The following PSMA1 variants were observed in gnomAD, a reference collection of about 807,000 sequenced individuals.
PSMA1 encodes the protein proteasome 20S subunit alpha 1.
In PSMA1, 3 loss-of-function variants were observed where a neutral mutation model predicts 38.4. The ratio of observed to expected loss-of-function variants is 0.08; its 90% CI spans 0.04 to 0.20. The LOEUF (loss-of-function observed/expected upper bound fraction) is 0.20, where lower values mean the gene tolerates loss of function less well. Among genes scored for constraint, PSMA1 ranks in the 10% least tolerant of loss-of-function variants. PSMA1 has a pLI of 1.00. For synonymous variants in PSMA1, 101 were observed against 107.1 expected (o/e 0.94, Z 0.35); for missense variants, 227 against 325.3 (o/e 0.70, Z 2.32).
chr11:14,573,069 C>T (rs1181994412), intron 2 of PSMA1, among the ~76,000 whole-genome samples: 3 of 152,076 alleles, frequency 2.0e-5, no homozygotes, highest in African/African-American at 4.8e-5. Flanking sequence ...GATTCACAGC[C>T]GAATTCTACC....
chr11:14,505,262 GA>G lies in PSMA1; in HGVS notation c.736-15del. On this transcript the variant is annotated splice_polypyrimidine_tract_variant and intron_variant, in intron 9 of 9. Transcript: ENST00000396394. ...AGGTTGAGCAGGCTTAACAGGGAAA[GA>G]AAAAAAGAAAATATGTAAAATGAAC... 1.9e-6 allele frequency: 3 copies of G among 1,606,292 alleles called. No individual in the cohort carries two copies. Among genetic ancestry groups the G allele is most frequent in the Non-Finnish European group, 2.6e-6 (3 of 1,173,616 alleles).
intron 1 of PSMA1, among the ~76,000 whole-genome samples, chr11:14,634,141 T>C (rs1853080310): frequency 6.6e-6 from 1 of 152,232 alleles, no homozygotes; most frequent in South Asian, 2.1e-4. Flanking sequence ...GAGCTGTTCC[T>C]ATTCGGCCAT....
chr11:14,578,048 T>G (rs1316051028), intron 2 of PSMA1, among the ~76,000 whole-genome samples: 2 of 142,358 alleles, frequency 1.4e-5, no homozygotes, highest in Admixed American at 7.2e-5. Context: ...CACAGGGAGG[T>G]GAACATCACA....
chr11:14,601,052 A>T (rs1852575027), intron 2 of PSMA1, among the ~76,000 whole-genome samples: 1 of 152,242 alleles, frequency 6.6e-6, no homozygotes, highest in Non-Finnish European at 1.5e-5. Flanking sequence ...CCCAGTAAAT[A>T]GCATTATGTC....
At chr11:14,601,230 G>C (rs1335279735) in intron 2 of PSMA1, among the ~76,000 whole-genome samples, 7 of 152,174 alleles carry the variant, frequency 4.6e-5, no homozygotes, top group Non-Finnish European at 1.0e-4. Flanking sequence ...TAAACTGGGG[G>C]GAGTGGGACT....
intron 1 of PSMA1, among the ~76,000 whole-genome samples, chr11:14,628,482 C>G (rs1372905912): frequency 1.3e-5 from 2 of 150,914 alleles, no homozygotes; most frequent in Non-Finnish European, 2.9e-5. Context: ...CATGTCCCTA[C>G]AAAGGACATG....
intron 2 of PSMA1, among the ~76,000 whole-genome samples, chr11:14,564,205 C>T (rs181197276): frequency 3.9e-5 from 6 of 152,150 alleles, no homozygotes; most frequent in African/African-American, 1.4e-4. Context: ...CCTACCCCCC[C>T]ACCCCACCTA....
chr11:14,516,067 G>A (rs564729663), intron 4 of PSMA1, among the ~76,000 whole-genome samples: 17 of 151,868 alleles, frequency 1.1e-4, no homozygotes, highest in South Asian at 8.3e-4. Context: ...AAAATTAGCC[G>A]GGTGTGGTGG....
chr11:14,512,688 T>C (rs1851364329), intron 7 of PSMA1, among the ~76,000 whole-genome samples: 1 of 152,204 alleles, frequency 6.6e-6, no homozygotes, highest in Admixed American at 6.5e-5. Context: ...GCACATAGAT[T>C]CCTCTGGACT....
chr11:14,643,395 C>T (rs1388266158), intron 1 of PSMA1: 4 of 152,140 alleles, frequency 2.6e-5, no homozygotes, highest in Admixed American at 2.6e-4. Context: ...CACAAACGCC[C>T]TCTTTCCCGA....
chr11:14,541,346 T>C (rs1851771329), intron 2 of PSMA1, among the ~76,000 whole-genome samples: 1 of 152,236 alleles, frequency 6.6e-6, no homozygotes, highest in Non-Finnish European at 1.5e-5. Flanking sequence ...CTCTGTCCCT[T>C]GACCCCCAGG....
At chr11:14,630,328 A>G (rs1471008273) in intron 1 of PSMA1, among the ~76,000 whole-genome samples, 2 of 152,160 alleles carry the variant, frequency 1.3e-5, no homozygotes, top group South Asian at 4.1e-4. Flanking sequence ...TATTATTTTG[A>G]GATACGTCCC....
Position 14,592,354 on chromosome 11 carries a change from G to GTCTCTCTCTC in PSMA1, c.21+18602_21+18611dup, listed in dbSNP as rs569894376. On this transcript the variant is annotated intron_variant, in intron 2 of 10. Transcript: ENST00000418988. Reference sequence around the variant, plus strand: ...TCGACCCCGTCTCAACTCTGACACAGTCTCTCTCTCTCTCTCTCTCTCTAT... The same window carrying GTCTCTCTCTC: ...TCGACCCCGTCTCAACTCTGACACAGTCTCTCTCTCTCTCTCTCTCTCTCTCTCTCTCTAT... Among the ~76,000 whole-genome samples the GTCTCTCTCTC allele has an allele frequency of 2.6e-3, 356 of 135,918 alleles. 1 individual carries two copies. Among genetic ancestry groups the GTCTCTCTCTC allele is most frequent in the South Asian group, 5.9e-3 (24 of 4,070 alleles). The allele number at this position is 135,918 out of a possible 152,430, so 89.2% of individuals were successfully genotyped here.
chr11:14,520,147 T>C (rs1851504193), intron 1 of PSMA1, 150 bp downstream of exon 1: 1 of 1,261,034 alleles, frequency 7.9e-7, no homozygotes, highest in East Asian at 2.3e-5. Context: ...AGGCCGGAGA[T>C]GCTGAATCAC....
At chr11:14,511,715 G>A (rs1851346036) in intron 7 of PSMA1, among the ~76,000 whole-genome samples, 1 of 152,174 alleles carries the variant, frequency 6.6e-6, no homozygotes, top group Non-Finnish European at 1.5e-5. Flanking sequence ...AGCAGTGAAT[G>A]ACTAAAACCT....
intron 2 of PSMA1, among the ~76,000 whole-genome samples, chr11:14,576,888 G>T (rs1051022524): frequency 2.6e-5 from 4 of 152,172 alleles, no homozygotes; most frequent in African/African-American, 9.7e-5. Context: ...CCATTTTCAT[G>T]ATATTGATTC....
intron 2 of PSMA1, chr11:14,610,779 TG>T: frequency 1.7e-6 from 1 of 593,036 alleles, no homozygotes. Flanking sequence ...TATGATTTGC[TG>T]GATTTGAGCA....
chr11:14,599,664 TTCC>T (rs1852553918), intron 2 of PSMA1, among the ~76,000 whole-genome samples: 1 of 152,186 alleles, frequency 6.6e-6, no homozygotes, highest in African/African-American at 2.4e-5. Context: ...GGTTTTTAGC[TTCC>T]TCGAGATGGG....
intron 1 of PSMA1, among the ~76,000 whole-genome samples, chr11:14,630,613 G>A (rs1436767006): frequency 6.6e-6 from 1 of 151,356 alleles, no homozygotes; most frequent in Admixed American, 6.6e-5. Context: ...CAAGGATATT[G>A]GTCTAAAATT....
Sources: gnomAD v4.1 joint callset for allele counts (sites outside exome capture counted in the v4.1 genomes callset) on GRCh38, gnomAD v4.1.1 for gene constraint, MANE v1.5 for transcripts, NCBI Gene and HGNC (gene_info 2026-07-23, HGNC 2026-07-21) for gene names.